The following KCTD5 variants were observed in gnomAD, a reference collection of about 807,000 sequenced individuals.
The protein encoded by KCTD5 is potassium channel tetramerization domain containing 5, also known as BTB/POZ domain-containing protein KCTD5.
A neutral mutation model predicts 27.9 loss-of-function variants in KCTD5; 12 were observed. That is an observed-to-expected ratio of 0.43 (90% CI 0.28 to 0.70). KCTD5 has a LOEUF of 0.70. Ranked by LOEUF, KCTD5 falls within the 30% of genes least tolerant of loss-of-function variation. The pLI is 0.19. For synonymous variants in KCTD5, 147 were observed against 121.4 expected, an observed-to-expected ratio of 1.21 and a Z score of -1.39; for missense variants, 226 against 274.8, an observed-to-expected ratio of 0.82 and a Z score of 1.26.
chr16:2,688,192 G>A (rs866099420), intron 1 of KCTD5, among the ~76,000 whole-genome samples: 6 of 148,704 alleles, frequency 4.0e-5, no homozygotes, highest in South Asian at 4.2e-4. Context: ...TTTCATGTTT[G>A]TACTTGGTTT....
chr16:2,691,110 G>A (rs1018906755), intron 1 of KCTD5, among the ~76,000 whole-genome samples: 8 of 152,212 alleles, frequency 5.3e-5, no homozygotes, highest in Admixed American at 2.0e-4. Context: ...GCTTGGAAGC[G>A]AGTCAGGCCA....
intron 4 of KCTD5, among the ~76,000 whole-genome samples, chr16:2,701,211 G>A (rs1182766721): frequency 6.6e-6 from 1 of 152,242 alleles, no homozygotes; most frequent in Non-Finnish European, 1.5e-5. Context: ...ACTTCTGGGT[G>A]GATTCCAAAC....
chr16:2,682,604 G>A lies in KCTD5; in HGVS notation c.56G>A (p.Gly19Glu). The change falls in exon 1 of 6, where the codon GGG becomes GAG. Residue 19 changes from glycine (G) to glutamate (E), a missense_variant. This residue lies in a region of KCTD5 where 91 missense variants were observed against 67.8 expected (regional missense o/e 1.34). Coordinates refer to ENST00000301738, the MANE Select transcript of KCTD5 (RefSeq NM_018992.4). The stretch of plus-strand genomic sequence containing the variant: ...CCGGCCCGGGGCGGCATCGGGGCGG[G>A]GCTGGGGGGCGGCCTGTGCCGCCGC... ...LSPARGGIGA[G>E]LGGGLCRRCS... The A allele has an allele frequency of 6.6e-7, 1 of 1,514,018 alleles. No homozygotes were observed. The allele number at this position is 1,514,018 out of a possible 1,614,324, so 93.8% of individuals were successfully genotyped here.
chr16:2,693,406 T>G (rs2142054692), intron 1 of KCTD5, among the ~76,000 whole-genome samples: 1 of 152,312 alleles, frequency 6.6e-6, no homozygotes, highest in East Asian at 1.9e-4. Context: ...CCACAAAAGC[T>G]GCCTCCTAAA....
rs544244411 is a variant in KCTD5, at chr16:2,684,194, G to A, written c.252+1394G>A. On this transcript the variant is annotated intron_variant, in intron 1 of 5. Coordinates refer to ENST00000301738, the MANE Select transcript of KCTD5 (RefSeq NM_018992.4). ...CTTGCCTTTCTACTCAAGCATTCCT[G>A]TTTTGTATATGAAATTAGAGTTTAA... The A allele has an allele frequency of 2.0e-5, 3 of 152,146 alleles. No individual in the cohort carries two copies. In the South Asian group the frequency reaches 6.2e-4, roughly 32 times the overall value. 9.4% of individuals were successfully genotyped at this position (152,146 alleles called of 1,614,324 possible).
rs1190029100 is a variant in KCTD5 at position 2,682,716 on chromosome 16, C to T, written c.168C>T (p.Leu56=). 1 of 1,610,536 alleles carries T rather than the reference C, an allele frequency of 6.2e-7. No individual in the cohort carries two copies. The change falls in exon 1 of 6, where the codon CTC becomes CTT. Residue 56 remains leucine (L), a synonymous_variant. Coordinates refer to ENST00000301738, the MANE Select transcript of KCTD5 (RefSeq NM_018992.4). ...TCAACGTCGGCGGCACCTACTTCCT[C>T]ACCACTCGGCAGACCCTGTGCCGGG... ...VRLNVGGTYF[L]TTRQTLCRDP... is the part of the protein sequence containing the mutation.
At chr16:2,706,903 G>A (rs1436269698) in intron 5 of KCTD5, among the ~76,000 whole-genome samples, 3 of 151,770 alleles carry the variant, frequency 2.0e-5, no homozygotes, top group Non-Finnish European at 4.4e-5. Flanking sequence ...GGGTGGGGGT[G>A]GGGGCTGCAG....
chr16:2,701,651 G>GC (rs140772669), intron 4 of KCTD5, among the ~76,000 whole-genome samples: 25,094 of 152,256 alleles, frequency 0.16, 2,281 homozygotes, highest in Middle Eastern at 0.29. Context: ...TCTTAGAGAG[G>GC]CCAAAGTGTG....
rs777941994 is a variant in KCTD5 at position 2,682,701 on chromosome 16, C to G, written c.153C>G (p.Gly51=). ...SVSKWVRLNV[G]GTYFLTTRQT... is the part of the protein sequence containing the mutation. ...CCAAGTGGGTCCGACTCAACGTCGGCGGCACCTACTTCCTCACCACTCGGC... is the reference window on the plus strand; with the variant it reads ...CCAAGTGGGTCCGACTCAACGTCGGGGGCACCTACTTCCTCACCACTCGGC... Residue 51 remains glycine (G), a synonymous_variant, in exon 1 of 6, where the codon GGC becomes GGG. Transcript: ENST00000301738. The G allele has an allele frequency of 2.5e-6, 4 of 1,609,986 alleles. No individual in the cohort carries two copies. Among genetic ancestry groups the G allele is most frequent in the Middle Eastern group, 3.3e-4 (2 of 6,056 alleles).
rs948852322 is a variant in KCTD5, at chr16:2,699,823, G to A, written c.456G>A (p.Val152=). ...IRERDSKTSQ[V]PVKHVYRVLQ... ...ACCTGTGCCCATTGTCCTTGCAGGTGCCTGTGAAGCATGTGTACCGTGTGC... is the reference window on the plus strand; with the variant it reads ...ACCTGTGCCCATTGTCCTTGCAGGTACCTGTGAAGCATGTGTACCGTGTGC... The change falls in exon 4 of 6, where the codon GTG becomes GTA. Residue 152 remains valine (V), a splice_region_variant and synonymous_variant. Coordinates refer to ENST00000301738, the MANE Select transcript of KCTD5 (RefSeq NM_018992.4). 1 of 1,613,326 alleles carries A rather than the reference G, an allele frequency of 6.2e-7. No individual in the cohort carries two copies. Among genetic ancestry groups the A allele is most frequent in the East Asian group, 2.2e-5 (1 of 44,870 alleles).
chr16:2,682,555 G>C lies in KCTD5; in HGVS notation c.7G>C (p.Glu3Gln), dbSNP rs2067522168. MA[E>Q]NHCELLSPAR... ...TGCGGGGCTTGCTGGGATCATGGCG[G>C]AGAATCACTGCGAGCTCCTGTCGCC... Residue 3 changes from glutamate to glutamine, a missense_variant, in exon 1 of 6, where the codon GAG (glutamate) becomes CAG (glutamine). Physicochemically the swap from Glu to Gln is conservative, Grantham distance 29 (BLOSUM62 2). Coordinates refer to ENST00000301738, the MANE Select transcript of KCTD5 (RefSeq NM_018992.4). 1.4e-6 allele frequency: 2 copies of C among 1,407,322 alleles called. No individual in the cohort carries two copies. The highest frequency in any genetic ancestry group is 1.8e-6 in the Non-Finnish European group (2 of 1,083,982). 87.2% of individuals were successfully genotyped at this position (1,407,322 alleles called of 1,614,324 possible).
rs2067642201 is a variant in KCTD5 at position 2,707,519 on chromosome 16, C to A, written c.*192C>A. On this transcript the variant is annotated 3_prime_UTR_variant, in exon 6 of 6. Coordinates refer to ENST00000301738, the MANE Select transcript of KCTD5 (RefSeq NM_018992.4). ...CCCAGCTGTCCAAGGCCAGACGTCC[C>A]CAAGTTGGGGGAGCACGGCGGCCGG... 2.8e-6 allele frequency: 2 copies of A among 707,510 alleles called. No homozygotes were observed. 43.8% of individuals were successfully genotyped at this position (707,510 alleles called of 1,614,324 possible).
At chr16:2,705,303 C>T (rs1175227388) in intron 5 of KCTD5, among the ~76,000 whole-genome samples, 1 of 152,146 alleles carries the variant, frequency 6.6e-6, no homozygotes, top group Non-Finnish European at 1.5e-5. Context: ...GCACTCCATG[C>T]CAGCTGTAGA....
At chr16:2,703,373 G>A (rs941933659) in intron 5 of KCTD5, among the ~76,000 whole-genome samples, 5 of 152,080 alleles carry the variant, frequency 3.3e-5, no homozygotes, top group African/African-American at 7.2e-5. Flanking sequence ...GTGGTGGGGC[G>A]GGCTCTGTGG....
chr16:2,702,605 C>A, intron 5 of KCTD5, 127 bp downstream of exon 5: 1 of 1,271,556 alleles, frequency 7.9e-7, no homozygotes, highest in Non-Finnish European at 1.1e-6. Flanking sequence ...GCCTTGCTGA[C>A]TTCTTGGACA....
chr16:2,700,476 G>C (rs1399492154), intron 4 of KCTD5, among the ~76,000 whole-genome samples: 2 of 152,046 alleles, frequency 1.3e-5, no homozygotes, highest in Non-Finnish European at 2.9e-5. Flanking sequence ...TGCTGCATGG[G>C]CCACTGTGCC....
At chr16:2,703,741 C>T (rs2142059367) in intron 5 of KCTD5, among the ~76,000 whole-genome samples, 1 of 152,324 alleles carries the variant, frequency 6.6e-6, no homozygotes, top group Non-Finnish European at 1.5e-5. Context: ...AGAGGCCAGT[C>T]CTGCTCCACT....
intron 5 of KCTD5, among the ~76,000 whole-genome samples, chr16:2,705,623 G>A (rs2067632242): frequency 6.6e-6 from 1 of 152,136 alleles, no homozygotes; most frequent in African/African-American, 2.4e-5. Flanking sequence ...ATGCGCTTAA[G>A]CCTCCCAGGC....
intron 1 of KCTD5, among the ~76,000 whole-genome samples, chr16:2,690,447 G>C (rs536181322): frequency 6.6e-6 from 1 of 152,358 alleles, no homozygotes; most frequent in Non-Finnish European, 1.5e-5. Flanking sequence ...GCCACAAGTA[G>C]GTCAGATGCC....
Sources: gnomAD v4.1 joint callset for allele counts (sites outside exome capture counted in the v4.1 genomes callset) on GRCh38, gnomAD v4.1.1 for gene constraint, gnomAD v4.1.1 regional missense constraint, MANE v1.5 for transcripts, NCBI Gene and HGNC (gene_info 2026-07-23, HGNC 2026-07-21) for gene names.